COL2A1: variants seen among roughly 807,000 people sequenced by gnomAD.
The protein encoded by COL2A1 is collagen alpha-1(II) chain.
In COL2A1, 28 loss-of-function variants were observed where a neutral mutation model predicts 204.5. The ratio of observed to expected loss-of-function variants is 0.14; its 90% CI spans 0.10 to 0.19. The LOEUF is 0.19. COL2A1 is among the 10% of genes least tolerant of loss of function. COL2A1 has a pLI of 1.00. For missense variants in COL2A1, 1,388 were observed against 2,027.5 expected, an observed-to-expected ratio of 0.68 and a Z score of 6.06; for synonymous variants, 708 against 718.7, an observed-to-expected ratio of 0.99 and a Z score of 0.24.
At position 47,978,701 on chromosome 12, in the gene COL2A1, C is replaced by G; in HGVS notation, c.2791G>C (p.Ala931Pro). The G allele has an allele frequency of 6.2e-7, 1 of 1,613,234 alleles. No homozygotes were observed. The highest frequency in any genetic ancestry group is 1.3e-5 in the African/African-American group (1 of 75,016). ...CCAGGGGGGCCGCTGTCTCCTCGAG[C>G]ACCTTTGGGACCATCTTTTCCAGAA... ...GPSGKDGPKG[A>P]RGDSGPPGRA... Residue 931 changes from alanine to proline, a missense_variant, in exon 42 of 54, where the codon GCT (alanine) becomes CCT (proline). Ala to Pro is a conservative substitution (Grantham distance 27, BLOSUM62 -1). Coordinates refer to ENST00000380518, the MANE Select transcript of COL2A1 (RefSeq NM_001844.5). This position sits in a 1 kb window ranked among gnomAD's most constrained non-coding sequence, Gnocchi z 5.5.
chr12:47,974,956 C>T, intron 51 of COL2A1, 94 bp from the exon 52 acceptor site: 3 of 1,302,450 alleles, frequency 2.3e-6, no homozygotes, highest in Non-Finnish European at 3.2e-6. Context: ...GACAGAGAGG[C>T]CTACAGGGAC....
In COL2A1 at chr12:47,981,367, T is replaced by G; in HGVS notation, c.2439A>C (p.Gly813=). The G allele has an allele frequency of 6.2e-7, 1 of 1,612,856 alleles. No homozygotes were observed. The highest frequency in any genetic ancestry group is 8.5e-7 in the Non-Finnish European group (1 of 1,179,828). The part of the protein sequence containing the change: ...KGEVGPPGPA[G]SAGARGAPGE... ...CCGGAGCGCCACGAGCACCAGCACT[T>G]CCTGCAGGACCAGGAGGTCCAACTT... The change falls in exon 37 of 54, where the codon GGA becomes GGC. Residue 813 remains glycine (G), a synonymous_variant. Transcript: ENST00000380518.
intron 25 of COL2A1, 59 bp from the exon 26 acceptor site, chr12:47,985,646 C>A: frequency 6.2e-7 from 1 of 1,611,354 alleles, no homozygotes; most frequent in Non-Finnish European, 8.5e-7. Context: ...CCTCCCAATC[C>A]TGGCAGTGCA....
chr12:47,983,579 ACCCTGCAAGAGGTGTGGG>A, intron 30 of COL2A1, 86 bp downstream of exon 30: 1 of 1,446,128 alleles, frequency 6.9e-7, no homozygotes, highest in Non-Finnish European at 9.5e-7. Flanking sequence ...GATGCCTGGC[ACCCTGCAAGAGGTGTGGG>A]CCCTCCACCG....
chr12:47,997,430 A>T (rs878959535), intron 7 of COL2A1, among the ~76,000 whole-genome samples, 176 bp downstream of exon 7: 1 of 152,240 alleles, frequency 6.6e-6, no homozygotes, highest in South Asian at 2.1e-4. Flanking sequence ...TTAGCACCAC[A>T]GTCTCATGCC....
chr12:48,001,454 T>A (rs1364822630), intron 1 of COL2A1, among the ~76,000 whole-genome samples: 1 of 152,216 alleles, frequency 6.6e-6, no homozygotes, highest in Non-Finnish European at 1.5e-5. Flanking sequence ...AGCAGTGGAA[T>A]GCAGGCGGTG....
chr12:47,984,385 T>C (rs1939267818), intron 28 of COL2A1, among the ~76,000 whole-genome samples, 161 bp downstream of exon 28: 1 of 152,088 alleles, frequency 6.6e-6, no homozygotes, highest in Non-Finnish European at 1.5e-5. Context: ...AGTCTCCCTG[T>C]GTAGACACCC....
intron 16 of COL2A1, among the ~76,000 whole-genome samples, chr12:47,991,003 C>A (rs912647075): frequency 6.6e-6 from 1 of 152,258 alleles, no homozygotes; most frequent in Non-Finnish European, 1.5e-5. Context: ...TACAACTCAA[C>A]TCTTCTTCCT....
At chr12:47,998,475 A>G in intron 2 of COL2A1, 44 bp from the exon 3 acceptor site, 1 of 1,599,846 alleles carries the variant, frequency 6.3e-7, no homozygotes, top group Non-Finnish European at 8.6e-7. Context: ...AAGAATCTTG[A>G]GATGGAAAAA....
At chr12:47,985,621 G>A (rs1939352090) in intron 25 of COL2A1, 34 bp from the exon 26 acceptor site, 3 of 1,612,978 alleles carry the variant, frequency 1.9e-6, no homozygotes, top group Non-Finnish European at 2.5e-6. Context: ...GTGGGGTCAG[G>A]AGCCGGCCCC....
At chr12:48,000,453 G>A (rs1940181266) in intron 1 of COL2A1, among the ~76,000 whole-genome samples, 1 of 152,144 alleles carries the variant, frequency 6.6e-6, no homozygotes, top group Non-Finnish European at 1.5e-5. Context: ...GATGGAGTGG[G>A]TGGAGGGAGT....
At position 47,978,189 on chromosome 12, in the gene COL2A1, G is replaced by T; in HGVS notation, c.3004-72C>A. On this transcript the variant is annotated intron_variant, in intron 43 of 53. Transcript: ENST00000380518. The surrounding 1 kb of genome is among the most constrained non-coding windows in gnomAD (Gnocchi z 5.5). ...CTGCCCAGGGCCCACTGACCCTTCA[G>T]GGAGAGGGCAGACAAGGGACAGTCC... The T allele has an allele frequency of 6.3e-7, 1 of 1,580,704 alleles. No homozygotes were observed. Among genetic ancestry groups the T allele is most frequent in the East Asian group, 2.3e-5 (1 of 43,824 alleles).
chr12:47,977,739 G>A, intron 44 of COL2A1, 86 bp from the exon 45 acceptor site: 1 of 1,426,924 alleles, frequency 7.0e-7, no homozygotes, highest in South Asian at 1.2e-5. Flanking sequence ...AGAAGCCCAG[G>A]CCTCTCCTCT....
Position 47,976,706 on chromosome 12 carries a change from G to A in COL2A1, c.3435+106C>T. Reference sequence around the variant, plus strand: ...TCCCTCCAGCCCTGAGGAAATCCTAGAAACTGCTTAGGGTGATCCCAAGCT... The same window carrying A: ...TCCCTCCAGCCCTGAGGAAATCCTAAAAACTGCTTAGGGTGATCCCAAGCT... On this transcript the variant is annotated intron_variant, in intron 48 of 53. Transcript: ENST00000380518. This position sits in a 1 kb window ranked among gnomAD's most constrained non-coding sequence, Gnocchi z 4.3. The A allele has an allele frequency of 7.2e-7, 1 of 1,385,538 alleles. No homozygotes were observed. Among genetic ancestry groups the A allele is most frequent in the Non-Finnish European group, 1.0e-6 (1 of 988,444 alleles). 85.8% of individuals were successfully genotyped at this position (1,385,538 alleles called of 1,614,324 possible).
rs1316587676 is a variant in COL2A1, at chr12:48,004,399, C to A, written c.-78G>T. 8 of 828,782 alleles carry A rather than the reference C, an allele frequency of 9.7e-6. No individual in the cohort carries two copies. Among genetic ancestry groups the A allele is most frequent in the Middle Eastern group, 3.5e-4 (1 of 2,888 alleles). The allele number at this position is 828,782 out of a possible 1,614,324, so 51.3% of individuals were successfully genotyped here. ...GCAGGAGCACGGCGCGGGTCCGGGT[C>A]TCTACCGCGCCCTCATGCAGGAGGC... On this transcript the variant is annotated 5_prime_UTR_variant, in exon 1 of 54. Coordinates refer to ENST00000380518, the MANE Select transcript of COL2A1 (RefSeq NM_001844.5).
rs1211158520 is a variant in COL2A1, at chr12:47,992,915, G to A, written c.986C>T (p.Pro329Leu). 6.2e-7 allele frequency: 1 copy of A among 1,614,164 alleles called. No individual in the cohort carries two copies. The highest frequency in any genetic ancestry group is 1.1e-5 in the South Asian group (1 of 91,088). The change falls in exon 16 of 54, where the codon CCT becomes CTT. Residue 329 changes from proline to leucine, a missense_variant. Around this residue, in one of 3 missense-constraint regions of COL2A1, gnomAD observed 884 missense variants for 1,415.8 expected, o/e 0.62. Coordinates refer to ENST00000380518, the MANE Select transcript of COL2A1 (RefSeq NM_001844.5). ...AGGGCCAGTCCGTCCTCTTTCACCA[G>A]GCAGGCCACGAGGACCCTGGAACAC... ...SPGPMGPRGLPGERGRTGPAG... is the reference protein window; with the variant it reads ...SPGPMGPRGLLGERGRTGPAG...
At chr12:48,004,831 G>T (rs1185507844), upstream of COL2A1, among the ~76,000 whole-genome samples, 2 of 152,224 alleles carry the variant, frequency 1.3e-5, no homozygotes, top group East Asian at 1.9e-4. Context: ...TGGAGGGGAG[G>T]GGGTGTTTGC....
intron 16 of COL2A1, among the ~76,000 whole-genome samples, chr12:47,990,178 A>T (rs994002108): frequency 2.6e-5 from 4 of 151,586 alleles, no homozygotes; most frequent in Non-Finnish European, 5.9e-5. Context: ...TATTTTTTTT[A>T]TTGTTATTTT....
Position 47,974,693 on chromosome 12 carries a change from G to A in COL2A1, c.4056C>T (p.Thr1352=), listed in dbSNP as rs759422405. ...TACTCACATGGAAGCCACCATTGAT[G>A]GTTTCTCCAAACCAGATGTGTTTCT... ...KEKKHIWFGE[T]INGGFHFSYG... The change falls in exon 52 of 54, where the codon ACC becomes ACT. Residue 1352 remains threonine (T), a synonymous_variant. Coordinates refer to ENST00000380518, the MANE Select transcript of COL2A1 (RefSeq NM_001844.5). 6 of 1,614,048 alleles carry A rather than the reference G, an allele frequency of 3.7e-6. No individual in the cohort carries two copies. The highest frequency in any genetic ancestry group is 4.2e-6 in the Non-Finnish European group (5 of 1,180,036).
Sources: allele counts gnomAD v4.1 joint callset (sites outside exome capture counted in the v4.1 genomes callset), GRCh38; gene constraint gnomAD v4.1.1; regional missense constraint gnomAD v4.1.1; non-coding constraint Gnocchi (gnomAD v3.1); transcripts MANE v1.5; gene names NCBI Gene and HGNC (gene_info 2026-07-23, HGNC 2026-07-21).